The following TSC22D1 variants were observed in gnomAD, a reference collection of about 807,000 sequenced individuals.
TSC22D1 encodes TSC22 domain family member 1, also known as TSC22 domain family protein 1.
A neutral mutation model predicts 74.2 loss-of-function variants in TSC22D1; 9 were observed. The observed-to-expected ratio is 0.12, with a 90% CI of 0.07 to 0.21. TSC22D1 has a LOEUF of 0.21. Among genes scored for constraint, TSC22D1 ranks in the 10% least tolerant of loss-of-function variants. The pLI, the probability that TSC22D1 is intolerant of heterozygous loss-of-function variation, is 1.00. For missense variants in TSC22D1, 1,427 were observed against 1,304.7 expected, an observed-to-expected ratio of 1.09 and a Z score of -1.44; for synonymous variants, 586 against 492.5, an observed-to-expected ratio of 1.19 and a Z score of -2.51.
intron 1 of TSC22D1, among the ~76,000 whole-genome samples, chr13:44,473,844 TACTC>T (rs1877746120): frequency 6.6e-6 from 1 of 152,200 alleles, no homozygotes; most frequent in Non-Finnish European, 1.5e-5. Flanking sequence ...CTCAATATAA[TACTC>T]AATCTTTTAC....
intron 1 of TSC22D1, chr13:44,474,345 C>T (rs1877775905): frequency 1.1e-6 from 1 of 911,042 alleles, no homozygotes; most frequent in Non-Finnish European, 1.3e-6. Context: ...AGGAAGTAGT[C>T]CCAAAATTCC....
intron 1 of TSC22D1, among the ~76,000 whole-genome samples, chr13:44,456,848 A>G (rs1414032999): frequency 6.6e-6 from 1 of 152,232 alleles, no homozygotes; most frequent in Non-Finnish European, 1.5e-5. Flanking sequence ...CAAAAAGGTT[A>G]ATACAGGAAA....
intron 1 of TSC22D1, among the ~76,000 whole-genome samples, chr13:44,449,682 G>A (rs1015730260): frequency 1.3e-5 from 2 of 149,860 alleles, no homozygotes; most frequent in South Asian, 2.1e-4. Flanking sequence ...AAGACAATGC[G>A]ATGAAAATAA....
chr13:44,445,656 A>AAGAACTC (rs1875577428), intron 1 of TSC22D1, among the ~76,000 whole-genome samples: 1 of 152,204 alleles, frequency 6.6e-6, no homozygotes, highest in African/African-American at 2.4e-5. Flanking sequence ...AGAATATATA[A>AAGAACTC]AGAACTCAAA....
chr13:44,528,421 A>G (rs901691601), intron 1 of TSC22D1, among the ~76,000 whole-genome samples: 1 of 152,140 alleles, frequency 6.6e-6, no homozygotes, highest in African/African-American at 2.4e-5. Context: ...AAATACTTAG[A>G]AATTTAAAAA....
chr13:44,549,453 G>A (rs113121391), intron 1 of TSC22D1, among the ~76,000 whole-genome samples: 1 of 152,096 alleles, frequency 6.6e-6, no homozygotes, highest in Non-Finnish European at 1.5e-5. Flanking sequence ...CTCAGCCTTA[G>A]GGCCCATTTC....
chr13:44,573,818 C>G lies in TSC22D1; in HGVS notation c.2257G>C (p.Val753Leu). Residue 753 changes from valine (V) to leucine (L), a missense_variant, in exon 1 of 3, where the codon GTT becomes CTT. Around this residue, in one of 3 missense-constraint regions of TSC22D1, gnomAD observed 1,343 missense variants for 1,191.5 expected, o/e 1.13. Coordinates refer to ENST00000458659, the MANE Select transcript of TSC22D1 (RefSeq NM_183422.4). ...GATGGAGGAGCACCCTGCTGAATAACTGAAGGTGGAACCTGGGTAGAGGGC... is the reference window on the plus strand; with the variant it reads ...GATGGAGGAGCACCCTGCTGAATAAGTGAAGGTGGAACCTGGGTAGAGGGC... ...QQPSTQVPPS[V>L]IQQGAPPSSQ... 1 of 1,614,232 alleles carries G rather than the reference C, an allele frequency of 6.2e-7. No homozygotes were observed. The highest frequency in any genetic ancestry group is 8.5e-7 in the Non-Finnish European group (1 of 1,180,030).
intron 1 of TSC22D1, among the ~76,000 whole-genome samples, chr13:44,554,519 T>C (rs117551858): frequency 6.6e-6 from 1 of 152,088 alleles, no homozygotes; most frequent in Non-Finnish European, 1.5e-5. Flanking sequence ...ACCATGTCTT[T>C]TTTTTTCTTC....
chr13:44,575,926 C>G lies in TSC22D1; in HGVS notation c.149G>C (p.Ser50Thr). The G allele has an allele frequency of 1.9e-6, 3 of 1,613,226 alleles. No homozygotes were observed. The highest frequency in any genetic ancestry group is 2.5e-6 in the Non-Finnish European group (3 of 1,179,734). Residue 50 changes from serine to threonine, a missense_variant, in exon 1 of 3, where the codon AGT becomes ACT. By Grantham distance (58) the Ser-to-Thr change is moderately conservative. This residue lies in a region of TSC22D1 where 1,343 missense variants were observed against 1,191.5 expected (regional missense o/e 1.13). Transcript: ENST00000458659. ...AAAATCCTCGGAAGATGTGGCATTA[C>G]TACCGACGCCGGTACCTGCTGCATT... is the stretch of plus-strand genomic sequence containing the variant. ...ALNAAGTGVG[S>T]NATSSEDFPP...
Position 44,574,941 on chromosome 13 carries a change from A to G in TSC22D1, c.1134T>C (p.Val378=), listed in dbSNP as rs140942572. The G allele has an allele frequency of 1.2e-6, 2 of 1,614,028 alleles. No homozygotes were observed. The highest frequency in any genetic ancestry group is 8.5e-7 in the Non-Finnish European group (1 of 1,180,024). The part of the protein sequence containing the change: ...GNGTISSSAA[V]SSVPNAAAGM... ...CTGCAGCTGCATTAGGAACACTGCTAACAGCAGCAGAGGAAGAAATAGTAC... is the reference window on the plus strand; with the variant it reads ...CTGCAGCTGCATTAGGAACACTGCTGACAGCAGCAGAGGAAGAAATAGTAC... Residue 378 remains valine, a synonymous_variant, in exon 1 of 3, where the codon GTT becomes GTC. Coordinates refer to ENST00000458659, the MANE Select transcript of TSC22D1 (RefSeq NM_183422.4).
At chr13:44,450,841 G>C (rs1356568953) in intron 1 of TSC22D1, among the ~76,000 whole-genome samples, 1 of 152,198 alleles carries the variant, frequency 6.6e-6, no homozygotes, top group Non-Finnish European at 1.5e-5. Context: ...AAGTCTCCTT[G>C]GGAGTGGATG....
chr13:44,436,171 A>C (rs1050050931), intron 1 of TSC22D1, 76 bp from the exon 2 acceptor site: 1 of 1,449,372 alleles, frequency 6.9e-7, no homozygotes, highest in African/African-American at 1.4e-5. Flanking sequence ...GGATCTCCCA[A>C]TTTTGTGATA....
At chr13:44,522,079 T>A (rs1595135447) in intron 1 of TSC22D1, among the ~76,000 whole-genome samples, 1 of 152,074 alleles carries the variant, frequency 6.6e-6, no homozygotes, top group Non-Finnish European at 1.5e-5. Flanking sequence ...TGTTAGAGAG[T>A]AAAAGTCAAG....
intron 1 of TSC22D1, among the ~76,000 whole-genome samples, chr13:44,505,227 G>T (rs1036380836): frequency 1.3e-5 from 2 of 152,134 alleles, no homozygotes; most frequent in Non-Finnish European, 2.9e-5. Flanking sequence ...CCAGGCGCTT[G>T]AGTCAGCCTG....
At chr13:44,553,508 T>C (rs139888597) in intron 1 of TSC22D1, among the ~76,000 whole-genome samples, 9 of 152,350 alleles carry the variant, frequency 5.9e-5, no homozygotes, top group East Asian at 1.9e-4. Flanking sequence ...TCTAAGGAGA[T>C]AGTTTTCGGG....
At chr13:44,488,656 G>A (rs377221724) in intron 1 of TSC22D1, among the ~76,000 whole-genome samples, 2 of 152,256 alleles carry the variant, frequency 1.3e-5, no homozygotes, top group African/African-American at 4.8e-5. Context: ...TAAAGAATCT[G>A]TTAGAATCAA....
Position 44,575,267 on chromosome 13 carries a change from T to C in TSC22D1, c.808A>G (p.Ser270Gly), listed in dbSNP as rs755571173. The C allele has an allele frequency of 1.6e-5, 26 of 1,614,020 alleles. No homozygotes were observed. Among genetic ancestry groups the C allele is most frequent in the Non-Finnish European group, 8.5e-6 (10 of 1,180,046 alleles). Reference sequence around the variant, plus strand: ...GAAGTTGGTGCAACTGGTGTGATACTGTCAGAGCTTCCAGTTGTAGAGAGT... The same window carrying C: ...GAAGTTGGTGCAACTGGTGTGATACCGTCAGAGCTTCCAGTTGTAGAGAGT... Reference protein sequence around the residue: ...RKLSTTGSSDSITPVAPTSAV... With the variant: ...RKLSTTGSSDGITPVAPTSAV... The change falls in exon 1 of 3, where the codon AGT (serine) becomes GGT (glycine). Residue 270 changes from serine (S) to glycine (G), a missense_variant. Physicochemically the swap from Ser to Gly is moderately conservative, Grantham distance 56 (BLOSUM62 0). Coordinates refer to ENST00000458659, the MANE Select transcript of TSC22D1 (RefSeq NM_183422.4).
intron 1 of TSC22D1, among the ~76,000 whole-genome samples, chr13:44,476,486 A>G (rs1346192186): frequency 6.6e-6 from 1 of 152,186 alleles, no homozygotes; most frequent in African/African-American, 2.4e-5. Flanking sequence ...TCTATTTTAA[A>G]AAAAGAAAGT....
At chr13:44,482,979 A>C (rs1224819010) in intron 1 of TSC22D1, among the ~76,000 whole-genome samples, 1 of 152,248 alleles carries the variant, frequency 6.6e-6, no homozygotes, top group Non-Finnish European at 1.5e-5. Flanking sequence ...ATTTAAACTC[A>C]GAGAATCTAA....
Sources: gnomAD v4.1 joint callset for allele counts (sites outside exome capture counted in the v4.1 genomes callset) on GRCh38, gnomAD v4.1.1 for gene constraint, gnomAD v4.1.1 regional missense constraint, MANE v1.5 for transcripts, NCBI Gene and HGNC (gene_info 2026-07-23, HGNC 2026-07-21) for gene names.